The following EML6 variants were observed in gnomAD, a reference collection of about 807,000 sequenced individuals.
The protein encoded by EML6 is echinoderm microtubule-associated protein-like 6.
Under a neutral mutation model 240.1 loss-of-function variants are expected in EML6, and 154 were observed. The ratio of observed to expected loss-of-function variants is 0.64; its 90% CI spans 0.56 to 0.73. EML6 has a LOEUF of 0.73. EML6 is among the 30% of genes least tolerant of loss of function. The pLI is 0.00. For missense variants in EML6, 2,964 were observed against 2,474.6 expected (o/e 1.20, Z -4.20); for synonymous variants, 1,148 against 899.0 (o/e 1.28, Z -4.95).
At chr2:54,936,554 A>G (rs1236125708) in intron 28 of EML6, among the ~76,000 whole-genome samples, 1 of 152,242 alleles carries the variant, frequency 6.6e-6, no homozygotes, top group East Asian at 1.9e-4. Flanking sequence ...AGAAATTGGC[A>G]TATAAGTACT....
At chr2:54,857,897 G>C (rs569100445) in intron 11 of EML6, among the ~76,000 whole-genome samples, 7 of 152,356 alleles carry the variant, frequency 4.6e-5, no homozygotes, top group Non-Finnish European at 1.0e-4. Flanking sequence ...TAAGGCCTAA[G>C]TATTAATGAC....
intron 7 of EML6, among the ~76,000 whole-genome samples, chr2:54,838,555 G>C (rs1165606378): frequency 6.6e-6 from 1 of 152,210 alleles, no homozygotes; most frequent in Non-Finnish European, 1.5e-5. Context: ...AATGAGGTCT[G>C]ATTTGATATT....
chr2:54,894,133 G>T (rs2104126178), intron 19 of EML6, among the ~76,000 whole-genome samples: 2 of 151,382 alleles, frequency 1.3e-5, no homozygotes, highest in East Asian at 1.9e-4. Flanking sequence ...TTATTTCTTT[G>T]TAAACTTCAT....
At chr2:54,815,064 T>C (rs75364413) in intron 3 of EML6, among the ~76,000 whole-genome samples, 1 of 152,242 alleles carries the variant, frequency 6.6e-6, no homozygotes, top group Non-Finnish European at 1.5e-5. Context: ...CGGATTTTGT[T>C]ATTCAAGCAA....
At chr2:54,805,106 G>C (rs1233631044) in intron 2 of EML6, among the ~76,000 whole-genome samples, 1 of 152,170 alleles carries the variant, frequency 6.6e-6, no homozygotes, top group East Asian at 1.9e-4. Flanking sequence ...TTCACTCAAT[G>C]TAATATTTTT....
intron 24 of EML6, among the ~76,000 whole-genome samples, chr2:54,907,420 A>T (rs988775749): frequency 6.6e-6 from 1 of 152,132 alleles, no homozygotes; most frequent in South Asian, 2.1e-4. Flanking sequence ...GGCCAGGAGA[A>T]TCGCTTGAAC....
intron 17 of EML6, chr2:54,882,030 C>T (rs1250487052): frequency 6.6e-6 from 1 of 152,208 alleles, no homozygotes; most frequent in African/African-American, 2.4e-5. Flanking sequence ...CAACCAGGCA[C>T]TCAGAAGTTG....
At chr2:54,898,191 T>C (rs907266789) in intron 21 of EML6, among the ~76,000 whole-genome samples, 3 of 152,114 alleles carry the variant, frequency 2.0e-5, no homozygotes, top group Non-Finnish European at 4.4e-5. Context: ...CCTAAGCCCA[T>C]TTCCTTGAGC....
At chr2:54,817,270 A>C (rs1334017807) in intron 4 of EML6, among the ~76,000 whole-genome samples, 1 of 152,250 alleles carries the variant, frequency 6.6e-6, no homozygotes, top group African/African-American at 2.4e-5. Context: ...GAATGAGTGT[A>C]ATGACAACTT....
intron 28 of EML6, among the ~76,000 whole-genome samples, chr2:54,940,342 T>C (rs781427315): frequency 3.9e-5 from 6 of 152,210 alleles, no homozygotes; most frequent in Non-Finnish European, 8.8e-5. Flanking sequence ...TAAAAAAATT[T>C]TATGGGGTTT....
At chr2:54,783,667 A>C (rs1429562450) in intron 2 of EML6, among the ~76,000 whole-genome samples, 1 of 152,210 alleles carries the variant, frequency 6.6e-6, no homozygotes, top group East Asian at 1.9e-4. Flanking sequence ...ATATTCACTG[A>C]AATGTTTTTG....
rs1339536678 is a variant in EML6 at position 54,774,305 on chromosome 2, A to T, written c.198-38927A>T. On this transcript the variant is annotated intron_variant, in intron 2 of 41. Coordinates refer to ENST00000356458, the MANE Select transcript of EML6 (RefSeq NM_001039753.4). The surrounding 1 kb of genome is among the most constrained non-coding windows in gnomAD (Gnocchi z 4.1). ...AGGGAGGGCAGAGAGAGAAGTCAGG[A>T]TACTATGCAGGCTCCACAGGATGGT... Among the ~76,000 whole-genome samples, 1 of 152,218 alleles carries T rather than the reference A, an allele frequency of 6.6e-6. No individual in the cohort carries two copies. Among genetic ancestry groups the T allele is most frequent in the Non-Finnish European group, 1.5e-5 (1 of 68,040 alleles).
At chr2:54,789,075 T>G (rs1669251307) in intron 2 of EML6, among the ~76,000 whole-genome samples, 1 of 152,234 alleles carries the variant, frequency 6.6e-6, no homozygotes, top group South Asian at 2.1e-4. Context: ...TTCTCTTTCA[T>G]GTGTTCTGTC....
intron 32 of EML6, among the ~76,000 whole-genome samples, chr2:54,954,396 G>T: frequency 6.6e-6 from 1 of 152,176 alleles, no homozygotes; most frequent in East Asian, 1.9e-4. Flanking sequence ...TAGTGAAGGG[G>T]CTCTGAGGAG....
intron 5 of EML6, among the ~76,000 whole-genome samples, chr2:54,825,724 C>T (rs755248000): frequency 1.3e-5 from 2 of 152,120 alleles, no homozygotes; most frequent in African/African-American, 4.8e-5. Context: ...TTCCTTAACC[C>T]CCTGCCACGC....
intron 25 of EML6, among the ~76,000 whole-genome samples, chr2:54,913,820 G>A (rs955224303): frequency 6.6e-6 from 1 of 152,132 alleles, no homozygotes; most frequent in Admixed American, 6.5e-5. Context: ...AATCCATCTT[G>A]AGTTAATTTT....
Position 54,866,760 on chromosome 2 carries a change from T to G in EML6, c.1933-6T>G. 1 of 1,532,276 alleles carries G rather than the reference T, an allele frequency of 6.5e-7. No individual in the cohort carries two copies. 94.9% of individuals were successfully genotyped at this position (1,532,276 alleles called of 1,614,324 possible). On this transcript the variant is annotated splice_region_variant and splice_polypyrimidine_tract_variant and intron_variant, in intron 13 of 41. Coordinates refer to ENST00000356458, the MANE Select transcript of EML6 (RefSeq NM_001039753.4). ...TCTCACCCAGATGTTTCTGTTGTAC[T>G]TTAAGGTTTACAAAGAAGATCTACC...
intron 10 of EML6, among the ~76,000 whole-genome samples, chr2:54,851,503 A>G (rs974263578): frequency 1.6e-4 from 22 of 136,166 alleles, no homozygotes; most frequent in Admixed American, 1.2e-3. Context: ...ATAAAGACAT[A>G]ATGTTAGGAT....
At chr2:54,797,119 C>A (rs574009852) in intron 2 of EML6, among the ~76,000 whole-genome samples, 1 of 130,482 alleles carries the variant, frequency 7.7e-6, no homozygotes. Context: ...GAGCCGAGAT[C>A]GTGCCACTGC....
Sources: gnomAD v4.1 joint callset for allele counts (sites outside exome capture counted in the v4.1 genomes callset) on GRCh38, gnomAD v4.1.1 for gene constraint, Gnocchi (gnomAD v3.1) non-coding constraint, MANE v1.5 for transcripts, NCBI Gene and HGNC (gene_info 2026-07-23, HGNC 2026-07-21) for gene names.